The following PTPRD variants were observed in gnomAD, a reference collection of about 807,000 sequenced individuals.
PTPRD encodes protein tyrosine phosphatase receptor type D.
In PTPRD, 34 loss-of-function variants were observed where a neutral mutation model predicts 214.5. The ratio of observed to expected loss-of-function variants is 0.16; its 90% CI spans 0.12 to 0.21. PTPRD has a LOEUF of 0.21. Ranked by LOEUF, PTPRD falls within the 10% of genes least tolerant of loss-of-function variation. The probability of loss-of-function intolerance (pLI) is 1.00; values close to 1 mark genes in which losing one functional copy is unlikely to be tolerated. For missense variants in PTPRD, 2,545 were observed against 2,398.7 expected (o/e 1.06, Z -1.27); for synonymous variants, 1,128 against 845.7 (o/e 1.33, Z -5.79).
At chr9:10,352,354 C>A (rs2097197620) in intron 2 of PTPRD, among the ~76,000 whole-genome samples, 1 of 151,998 alleles carries the variant, frequency 6.6e-6, no homozygotes, top group African/African-American at 2.4e-5. Context: ...TTCAATTGGG[C>A]AGATTCTTAT....
At chr9:9,090,364 T>C (rs980727161) in intron 10 of PTPRD, among the ~76,000 whole-genome samples, 1 of 152,220 alleles carries the variant, frequency 6.6e-6, no homozygotes, top group Non-Finnish European at 1.5e-5. Flanking sequence ...TCCAGTTCCA[T>C]CTATATTGGT....
intron 10 of PTPRD, among the ~76,000 whole-genome samples, chr9:9,048,588 T>A (rs1367166389): frequency 6.6e-6 from 1 of 152,108 alleles, no homozygotes; most frequent in Non-Finnish European, 1.5e-5. Context: ...CACTTATTTG[T>A]GGGACCTAAA....
At chr9:8,455,964 T>C (rs7863545) in intron 33 of PTPRD, among the ~76,000 whole-genome samples, 10,598 of 152,178 alleles carry the variant, frequency 0.07, 1,049 homozygotes, top group African/African-American at 0.22. Context: ...GGTACAAATA[T>C]CTAAGTTTGA....
At chr9:8,769,766 G>C (rs952835600) in intron 11 of PTPRD, among the ~76,000 whole-genome samples, 1 of 151,568 alleles carries the variant, frequency 6.6e-6, no homozygotes, top group African/African-American at 2.4e-5. Context: ...AAGAGGGGAG[G>C]GAGAGTTTTT....
At chr9:9,483,672 A>C (rs1011229255) in intron 8 of PTPRD, among the ~76,000 whole-genome samples, 1 of 152,074 alleles carries the variant, frequency 6.6e-6, no homozygotes, top group Non-Finnish European at 1.5e-5. Flanking sequence ...AGTGAGTGAT[A>C]ATACCATGAA....
In PTPRD at chr9:10,452,130, A is replaced by G. The variant is rs139152413; in HGVS notation, c.-599-111113T>C. On this transcript the variant is annotated intron_variant, in intron 2 of 45. Coordinates refer to ENST00000381196, the MANE Select transcript of PTPRD (RefSeq NM_002839.4). ...CAAATTGTTTTGAAGAGGTATTATCAATAGATTATTACATGCAAATAGAAG... is the reference window on the plus strand; with the variant it reads ...CAAATTGTTTTGAAGAGGTATTATCGATAGATTATTACATGCAAATAGAAG... Among the ~76,000 whole-genome samples, 531 of 152,074 alleles carry G rather than the reference A, an allele frequency of 3.5e-3. 2 individuals are homozygous for G. The highest frequency in any genetic ancestry group is 6.8e-3 in the Non-Finnish European group (458 of 67,836).
At chr9:8,431,190 A>C (rs1183464042) in intron 35 of PTPRD, among the ~76,000 whole-genome samples, 2 of 152,194 alleles carry the variant, frequency 1.3e-5, no homozygotes. Flanking sequence ...GCTCTCTGGC[A>C]TTTAAAACAT....
chr9:8,771,992 C>T (rs552024972), intron 11 of PTPRD, among the ~76,000 whole-genome samples: 2 of 152,038 alleles, frequency 1.3e-5, no homozygotes, highest in East Asian at 1.9e-4. Context: ...AGAATAAATG[C>T]TTGAGATGGA....
chr9:10,437,760 TTTTTG>T (rs530408877), intron 2 of PTPRD, among the ~76,000 whole-genome samples: 2 of 151,328 alleles, frequency 1.3e-5, no homozygotes, highest in Non-Finnish European at 1.5e-5. Flanking sequence ...GAATAGTCCA[TTTTTG>T]TTTTATCAGA....
At chr9:10,116,692 A>C (rs2098733472) in intron 3 of PTPRD, among the ~76,000 whole-genome samples, 2 of 152,122 alleles carry the variant, frequency 1.3e-5, no homozygotes, top group Admixed American at 1.3e-4. Context: ...CTTAAGCAGG[A>C]GTCAGGTCAT....
intron 11 of PTPRD, among the ~76,000 whole-genome samples, chr9:8,993,956 G>A (rs542676849): frequency 1.1e-4 from 17 of 152,212 alleles, no homozygotes; most frequent in African/African-American, 3.6e-4. Context: ...AAGACATTTA[G>A]AGGAGGGAGT....
chr9:8,497,228 C>T lies in PTPRD; in HGVS notation c.2349+14G>A. ...TATAGTCTGCTTTTGACAAAACAGTCAAAAATTACTCACATGTTCAGTAGT... is the reference window on the plus strand; with the variant it reads ...TATAGTCTGCTTTTGACAAAACAGTTAAAAATTACTCACATGTTCAGTAGT... On this transcript the variant is annotated intron_variant, in intron 26 of 45. Coordinates refer to ENST00000381196, the MANE Select transcript of PTPRD (RefSeq NM_002839.4). 6.3e-7 allele frequency: 1 copy of T among 1,587,164 alleles called. No individual in the cohort carries two copies. Among genetic ancestry groups the T allele is most frequent in the Non-Finnish European group, 8.6e-7 (1 of 1,169,138 alleles).
intron 3 of PTPRD, among the ~76,000 whole-genome samples, chr9:10,152,288 CT>C (rs759278471): frequency 1.4e-4 from 21 of 152,106 alleles, no homozygotes; most frequent in African/African-American, 5.1e-4. Flanking sequence ...TTTTGAATAT[CT>C]TTTTTATGTG....
chr9:10,233,069 G>C (rs914824903), intron 3 of PTPRD, among the ~76,000 whole-genome samples: 1 of 152,010 alleles, frequency 6.6e-6, no homozygotes, highest in Non-Finnish European at 1.5e-5. Context: ...ACTGTATTTA[G>C]TGAAATTTGT....
rs544148517 is a variant in PTPRD at position 10,576,819 on chromosome 9, C to T, written c.-600+35579G>A. Reference sequence around the variant, plus strand: ...CAAATATAAAATAAACATTTGTGAACAAAAAATTAACCAAGTTAAATACAT... The same window carrying T: ...CAAATATAAAATAAACATTTGTGAATAAAAAATTAACCAAGTTAAATACAT... On this transcript the variant is annotated intron_variant, in intron 2 of 45. Transcript: ENST00000381196. Among the ~76,000 whole-genome samples, 12 of 152,116 alleles carry T rather than the reference C, an allele frequency of 7.9e-5. No homozygotes were observed. In the East Asian group the frequency reaches 2.1e-3, roughly 27 times the overall value.
chr9:10,403,032 G>A lies in PTPRD; in HGVS notation c.-599-62015C>T, dbSNP rs2098296607. 2.0e-5 allele frequency among the ~76,000 whole-genome samples: 3 copies of A among 150,958 alleles called. No individual in the cohort carries two copies. In the South Asian group the frequency reaches 6.2e-4, roughly 31 times the overall value. On this transcript the variant is annotated intron_variant, in intron 2 of 45. Coordinates refer to ENST00000381196, the MANE Select transcript of PTPRD (RefSeq NM_002839.4). ...GGTAGGTAACTCAATTCTCAGCCTA[G>A]GTTCCCCACATCAACATAAATAGTT...
In PTPRD at chr9:10,240,223, T is replaced by C. The variant is rs568529115; in HGVS notation, c.-545+100740A>G. On this transcript the variant is annotated intron_variant, in intron 3 of 45. Coordinates refer to ENST00000381196, the MANE Select transcript of PTPRD (RefSeq NM_002839.4). Reference sequence around the variant, plus strand: ...TTCATATAACCTAAATAAAAACAGATCGTTTTCTCTGTACCTTTGATTCTT... The same window carrying C: ...TTCATATAACCTAAATAAAAACAGACCGTTTTCTCTGTACCTTTGATTCTT... Among the ~76,000 whole-genome samples the C allele has an allele frequency of 4.2e-4, 64 of 152,090 alleles. 1 individual carries two copies. Among genetic ancestry groups the C allele is most frequent in the Middle Eastern group, 3.4e-3 (1 of 294 alleles).
At chr9:8,742,238 T>C (rs1436372837) in intron 11 of PTPRD, among the ~76,000 whole-genome samples, 1 of 152,184 alleles carries the variant, frequency 6.6e-6, no homozygotes, top group African/African-American at 2.4e-5. Flanking sequence ...TTATTTTAAA[T>C]TGATATATAA....
chr9:9,387,739 A>G (rs1310700204), intron 9 of PTPRD, among the ~76,000 whole-genome samples: 1 of 152,110 alleles, frequency 6.6e-6, no homozygotes, highest in African/African-American at 2.4e-5. Context: ...GGATGGGGGC[A>G]TGGCTCACTT....
Sources: gnomAD v4.1 joint callset for allele counts (sites outside exome capture counted in the v4.1 genomes callset) on GRCh38, gnomAD v4.1.1 for gene constraint, MANE v1.5 for transcripts, NCBI Gene and HGNC (gene_info 2026-07-23, HGNC 2026-07-21) for gene names.